The following TBX20 variants were observed in gnomAD, a reference collection of about 807,000 sequenced individuals.
The protein encoded by TBX20 is T-box transcription factor 20, also known as T-box transcription factor TBX20.
A neutral mutation model predicts 42.9 loss-of-function variants in TBX20; 8 were observed. That is an observed-to-expected ratio of 0.19 (90% CI 0.11 to 0.34). TBX20 has a LOEUF of 0.34. Among genes scored for constraint, TBX20 ranks in the 10% least tolerant of loss-of-function variants. The pLI, the probability that TBX20 is intolerant of heterozygous loss-of-function variation, is 1.00. For synonymous variants in TBX20, 198 were observed against 222.8 expected, an observed-to-expected ratio of 0.89 and a Z score of 0.99; for missense variants, 411 against 566.0, an observed-to-expected ratio of 0.73 and a Z score of 2.78.
intron 6 of TBX20, among the ~76,000 whole-genome samples, chr7:35,210,281 A>C (rs1319598031): frequency 6.6e-6 from 1 of 151,526 alleles, no homozygotes. Context: ...CGCCTGGCTA[A>C]TTTTTTTGTA....
rs749195999 is a variant in TBX20 at position 35,248,708 on chromosome 7, C to A, written c.514G>T (p.Ala172Ser). The change falls in exon 3 of 8, where the codon GCT becomes TCT. Residue 172 changes from alanine to serine, a missense_variant. Coordinates refer to ENST00000408931, the MANE Select transcript of TBX20 (RefSeq NM_001077653.2). ...YAYHRSSWLVAGKADPPLPAR... is the reference protein window; with the variant it reads ...YAYHRSSWLVSGKADPPLPAR... ...GGCAACGGCGGGTCGGCCTTGCCAG[C>A]CACCAGCCAGGAGGACCGGTGGTAG... 1.5e-5 allele frequency: 25 copies of A among 1,613,686 alleles called. No individual in the cohort carries two copies. The highest frequency in any genetic ancestry group is 3.3e-4 in the Middle Eastern group (2 of 6,074).
chr7:35,242,222 A>C (rs1244922696), intron 4 of TBX20, among the ~76,000 whole-genome samples: 1 of 152,160 alleles, frequency 6.6e-6, no homozygotes, highest in African/African-American at 2.4e-5. Flanking sequence ...CTGATATATA[A>C]TCGCTCGCTC....
rs368803336 is a variant in TBX20, at chr7:35,202,570, T to C, written c.1204A>G (p.Ile402Val). Residue 402 changes from isoleucine (I) to valine (V), a missense_variant, in exon 8 of 8, where the codon ATT becomes GTT. Coordinates refer to ENST00000408931, the MANE Select transcript of TBX20 (RefSeq NM_001077653.2). The part of the protein sequence containing the change: ...RLGMPLTPSA[I>V]ASSMQGSGPT... ...CCACTCCCTTGCATGGAGCTGGCAATGGCCGATGGTGTCAGAGGCATTCCC... is the reference window on the plus strand; with the variant it reads ...CCACTCCCTTGCATGGAGCTGGCAACGGCCGATGGTGTCAGAGGCATTCCC... 2.5e-6 allele frequency: 4 copies of C among 1,613,980 alleles called. No homozygotes were observed. In the African/African-American group the frequency reaches 5.3e-5, roughly 22 times the overall value.
chr7:35,216,738 T>A (rs1789597666), intron 6 of TBX20, among the ~76,000 whole-genome samples: 1 of 152,220 alleles, frequency 6.6e-6, no homozygotes, highest in Non-Finnish European at 1.5e-5. Context: ...ATATTAAATG[T>A]TATTTCAATT....
chr7:35,247,018 C>T lies in TBX20; in HGVS notation c.545+1659G>A, dbSNP rs182033555. 5.3e-3 allele frequency among the ~76,000 whole-genome samples: 799 copies of T among 151,838 alleles called. 15 individuals carry two copies. The highest frequency in any genetic ancestry group is 4.0e-3 in the Non-Finnish European group (272 of 67,880). On this transcript the variant is annotated intron_variant, in intron 3 of 7. Coordinates refer to ENST00000408931, the MANE Select transcript of TBX20 (RefSeq NM_001077653.2). The stretch of plus-strand genomic sequence containing the variant: ...TAGTGTATTGGTACACACTTTTTTT[C>T]TCCAACCAGAACAGATTAGTAACAT...
intron 6 of TBX20, among the ~76,000 whole-genome samples, chr7:35,220,713 T>G (rs1789667799): frequency 6.6e-6 from 1 of 152,154 alleles, no homozygotes; most frequent in Admixed American, 6.5e-5. Context: ...GAAAAATAAC[T>G]GGACATTACA....
At chr7:35,240,544 G>A (rs1379502938) in intron 5 of TBX20, among the ~76,000 whole-genome samples, 2 of 152,140 alleles carry the variant, frequency 1.3e-5, no homozygotes, top group East Asian at 3.9e-4. Context: ...TAAATTTTAT[G>A]AAGCAACAAG....
intron 6 of TBX20, among the ~76,000 whole-genome samples, chr7:35,209,738 G>A (rs1447147575): frequency 6.6e-6 from 1 of 152,182 alleles, no homozygotes; most frequent in Admixed American, 6.5e-5. Context: ...TCTTGAGATG[G>A]AAGATGAGGT....
At chr7:35,239,740 A>G (rs1790037770) in intron 5 of TBX20, among the ~76,000 whole-genome samples, 1 of 151,756 alleles carries the variant, frequency 6.6e-6, no homozygotes, top group African/African-American at 2.4e-5. Context: ...CATTAATTTA[A>G]GTTTTTTTTT....
chr7:35,210,591 A>T (rs1329602630), intron 6 of TBX20, among the ~76,000 whole-genome samples: 1 of 152,162 alleles, frequency 6.6e-6, no homozygotes, highest in Non-Finnish European at 1.5e-5. Flanking sequence ...CTTCTATCAG[A>T]CATAAAGATG....
chr7:35,205,837 A>C (rs1041352097), intron 6 of TBX20, among the ~76,000 whole-genome samples: 1 of 152,242 alleles, frequency 6.6e-6, no homozygotes, highest in Admixed American at 6.5e-5. Flanking sequence ...GTAAGAATAA[A>C]GTACCACCTC....
Position 35,245,012 on chromosome 7 carries a change from G to A in TBX20, c.591C>T (p.Leu197=). The A allele has an allele frequency of 1.2e-6, 2 of 1,613,828 alleles. No individual in the cohort carries two copies. The highest frequency in any genetic ancestry group is 1.7e-6 in the Non-Finnish European group (2 of 1,179,808). The change falls in exon 4 of 8, where the codon CTC becomes CTT. Residue 197 remains leucine (L), a synonymous_variant. Coordinates refer to ENST00000408931, the MANE Select transcript of TBX20 (RefSeq NM_001077653.2). ...PDSPFTGEQL[L]KQMVSFEKVK... is the part of the protein sequence containing the mutation. ...CCTTTTCAAAAGACACCATCTGTTT[G>A]AGTAGTTGCTCACCGGTAAAAGGAG... is the stretch of plus-strand genomic sequence containing the variant.
chr7:35,203,805 T>C (rs1348064821), intron 7 of TBX20, among the ~76,000 whole-genome samples: 1 of 152,216 alleles, frequency 6.6e-6, no homozygotes, highest in African/African-American at 2.4e-5. Context: ...TCACAGATTA[T>C]ATAATTTCAT....
chr7:35,233,084 T>C (rs563507356), intron 5 of TBX20, among the ~76,000 whole-genome samples: 1 of 152,310 alleles, frequency 6.6e-6, no homozygotes, highest in East Asian at 1.9e-4. Context: ...TCAAAGTATA[T>C]CTATAGAACA....
At position 35,248,821 on chromosome 7, in the gene TBX20, C is replaced by T. The variant is rs1790248013; in HGVS notation, c.401G>A (p.Arg134Gln). 6.2e-7 allele frequency: 1 copy of T among 1,614,046 alleles called. No homozygotes were observed. Among genetic ancestry groups the T allele is most frequent in the Non-Finnish European group, 8.5e-7 (1 of 1,180,016 alleles). ...AGGATCCACCCCCGAAAAGGACACC[C>T]GGATGGTTGGAAACATCCTCCTGAC... ...KSGRRMFPTI[R>Q]VSFSGVDPEA... Residue 134 changes from arginine to glutamine, a missense_variant, in exon 3 of 8, where the codon CGG becomes CAG. By Grantham distance (43) the Arg-to-Gln change is conservative. This residue lies in a region of TBX20 where 121 missense variants were observed against 165.9 expected (regional missense o/e 0.73). Transcript: ENST00000408931.
Position 35,204,540 on chromosome 7 carries a change from G to A in TBX20, c.933C>T (p.Arg311=), listed in dbSNP as rs113480733. Residue 311 remains arginine, a synonymous_variant, in exon 7 of 8, where the codon CGC becomes CGT. Coordinates refer to ENST00000408931, the MANE Select transcript of TBX20 (RefSeq NM_001077653.2). ...CTCCTCCGTAGGTACGGATGGGTGAGCGTGCATAGGAATGCTTTTGAATCA... is the reference window on the plus strand; with the variant it reads ...CTCCTCCGTAGGTACGGATGGGTGAACGTGCATAGGAATGCTTTTGAATCA... ...ESLIQKHSYA[R]SPIRTYGGEE... 1.9e-6 allele frequency: 3 copies of A among 1,614,098 alleles called. 1 individual carries two copies. The South Asian group carries it at 3.3e-5, about 18-fold the overall frequency.
At chr7:35,242,317 A>G (rs1234013802) in intron 4 of TBX20, among the ~76,000 whole-genome samples, 1 of 152,230 alleles carries the variant, frequency 6.6e-6, no homozygotes, top group African/African-American at 2.4e-5. Context: ...TATGATCTCA[A>G]ACTGGAACAG....
chr7:35,246,815 T>G (rs928189943), intron 3 of TBX20, among the ~76,000 whole-genome samples: 1 of 152,052 alleles, frequency 6.6e-6, no homozygotes, highest in African/African-American at 2.4e-5. Context: ...TTAATAATAA[T>G]AAAGAATAGT....
intron 6 of TBX20, among the ~76,000 whole-genome samples, chr7:35,212,649 A>G (rs1789517648): frequency 6.6e-6 from 1 of 152,156 alleles, no homozygotes; most frequent in South Asian, 2.1e-4. Context: ...TTGAGGGCTA[A>G]TTCTTCCTCA....
Sources: allele counts gnomAD v4.1 joint callset (sites outside exome capture counted in the v4.1 genomes callset), GRCh38; gene constraint gnomAD v4.1.1; regional missense constraint gnomAD v4.1.1; transcripts MANE v1.5; gene names NCBI Gene and HGNC (gene_info 2026-07-23, HGNC 2026-07-21).